Variants in MAGT1 observed in about 807,000 individuals in gnomAD.
MAGT1 encodes magnesium transporter 1.
A neutral mutation model predicts 28.4 loss-of-function variants in MAGT1; 4 were observed. The observed-to-expected ratio is 0.14, with a 90% CI of 0.07 to 0.32. MAGT1 has a LOEUF of 0.32. Among genes scored for constraint, MAGT1 ranks in the 10% least tolerant of loss-of-function variants. The probability of loss-of-function intolerance (pLI) is 1.00; values close to 1 mark genes in which losing one functional copy is unlikely to be tolerated. For missense variants in MAGT1, 193 were observed against 264.5 expected (o/e 0.73, Z 1.88); for synonymous variants, 89 against 89.7 (o/e 0.99, Z 0.04).
Position 77,833,481 on chromosome X carries a change from C to T in MAGT1, c.902-2586G>A, listed in dbSNP as rs148868907. ...GGATGTGAAAACAATAATTAAAGCACGATATTTTGTGGCAGAGTTATCTCA... is the reference window on the plus strand; with the variant it reads ...GGATGTGAAAACAATAATTAAAGCATGATATTTTGTGGCAGAGTTATCTCA... On this transcript the variant is annotated intron_variant, in intron 8 of 9. Coordinates refer to ENST00000618282, the MANE Select transcript of MAGT1 (RefSeq NM_001367916.1). Among the ~76,000 whole-genome samples, 482 of 111,811 alleles carry T rather than the reference C, an allele frequency of 4.3e-3. 2 individuals are homozygous for T. The highest frequency in any genetic ancestry group is 0.015 in the African/African-American group (453 of 30,825).
At chrX:77,863,535 T>G (rs1310106183) in intron 3 of MAGT1, among the ~76,000 whole-genome samples, 3 of 107,588 alleles carry the variant, frequency 2.8e-5, no homozygotes, top group Non-Finnish European at 5.8e-5. Flanking sequence ...AGAAAAACAG[T>G]ATAAAGATTT....
Sources: allele counts gnomAD v4.1 joint callset (sites outside exome capture counted in the v4.1 genomes callset), GRCh38; gene constraint gnomAD v4.1.1; transcripts MANE v1.5; gene names NCBI Gene and HGNC (gene_info 2026-07-23, HGNC 2026-07-21).